MTHFD1L: variants seen among roughly 807,000 people sequenced by gnomAD.
The protein encoded by MTHFD1L is monofunctional C1-tetrahydrofolate synthase, mitochondrial.
In MTHFD1L, 81 loss-of-function variants were observed where a neutral mutation model predicts 119.5. The observed-to-expected ratio is 0.68, with a 90% confidence interval of 0.57 to 0.82. The LOEUF is 0.82. MTHFD1L is among the 40% of genes least tolerant of loss of function. MTHFD1L has a pLI of 0.00. For synonymous variants in MTHFD1L, 430 were observed against 475.2 expected (o/e 0.90, Z 1.24); for missense variants, 1,125 against 1,253.4 (o/e 0.90, Z 1.55).
chr6:150,937,786 A>G (rs1280158170), intron 12 of MTHFD1L, among the ~76,000 whole-genome samples: 1 of 152,098 alleles, frequency 6.6e-6, no homozygotes, highest in Non-Finnish European at 1.5e-5. Flanking sequence ...CACCAGGCTC[A>G]CCCAGTTGTT....
At chr6:151,027,783 A>G (rs1178040106) in intron 24 of MTHFD1L, among the ~76,000 whole-genome samples, 1 of 152,208 alleles carries the variant, frequency 6.6e-6, no homozygotes, top group Non-Finnish European at 1.5e-5. Flanking sequence ...ACTAAACCCA[A>G]AAGATTATTT....
intron 7 of MTHFD1L, among the ~76,000 whole-genome samples, chr6:150,895,503 C>A (rs994214564): frequency 1.7e-4 from 26 of 152,076 alleles, no homozygotes; most frequent in African/African-American, 5.8e-4. Flanking sequence ...CAGAGGATCT[C>A]ATTTCTCCCT....
rs772340450 is a variant in MTHFD1L at position 150,918,653 on chromosome 6, A to G, written c.969A>G (p.Ala323=). The change falls in exon 9 of 28, where the codon GCA becomes GCG. Residue 323 remains alanine, a synonymous_variant. Transcript: ENST00000367321. ...IEEDDVILLA[A]ALRIQNMVSS... is the part of the protein sequence containing the mutation. ...AAGATGATGTGATTCTCCTTGCTGC[A>G]GCTCTGCGAATTCAGGTTTGTTCAA... is the stretch of plus-strand genomic sequence containing the variant. The G allele has an allele frequency of 1.2e-6, 2 of 1,613,948 alleles. No individual in the cohort carries two copies. Among genetic ancestry groups the G allele is most frequent in the Non-Finnish European group, 8.5e-7 (1 of 1,179,906 alleles).
intron 24 of MTHFD1L, chr6:151,022,089 G>GCCTGGAGCC: frequency 2.1e-6 from 1 of 470,914 alleles, no homozygotes. Context: ...CACGAAGACA[G>GCCTGGAGCC]CCTGGAGCCG....
At chr6:151,090,525 A>C (rs184805802) in intron 26 of MTHFD1L, among the ~76,000 whole-genome samples, 4 of 152,348 alleles carry the variant, frequency 2.6e-5, no homozygotes, top group Admixed American at 2.6e-4. Flanking sequence ...GAGTAACAGG[A>C]GTCTCTAAAC....
rs1289793814 is a variant in MTHFD1L at position 151,014,958 on chromosome 6, G to T, written c.2386G>T (p.Val796Leu). ...CACTCAGCTCTTTGGGGTTCCCGTT[G>T]TGGTGGCTCTGAATGTCTTCAAGTA... ...QITQLFGVPV[V>L]VALNVFKTDT... The change falls in exon 23 of 28, where the codon GTG becomes TTG. Residue 796 changes from valine to leucine, a missense_variant. Coordinates refer to ENST00000367321, the MANE Select transcript of MTHFD1L (RefSeq NM_015440.5). 2 of 1,614,110 alleles carry T rather than the reference G, an allele frequency of 1.2e-6. No homozygotes were observed. The highest frequency in any genetic ancestry group is 3.3e-5 in the Admixed American group (2 of 60,012).
chr6:150,894,214 G>C (rs1051419695), intron 7 of MTHFD1L, among the ~76,000 whole-genome samples: 4 of 152,138 alleles, frequency 2.6e-5, no homozygotes, highest in Admixed American at 1.3e-4. Context: ...GCAACCTGGA[G>C]TGCAGGCTGG....
chr6:150,931,675 T>C (rs1396735325), intron 11 of MTHFD1L, among the ~76,000 whole-genome samples: 2 of 152,244 alleles, frequency 1.3e-5, no homozygotes, highest in African/African-American at 4.8e-5. Context: ...GGCCCATGGC[T>C]AATGGCAGTG....
intron 26 of MTHFD1L, among the ~76,000 whole-genome samples, chr6:151,057,588 C>T (rs1256913661): frequency 6.6e-6 from 1 of 151,840 alleles, no homozygotes; most frequent in Admixed American, 6.6e-5. Context: ...GCTGTGATTG[C>T]GCCACTGCAC....
At chr6:150,876,451 G>A (rs1032233878) in intron 2 of MTHFD1L, among the ~76,000 whole-genome samples, 6 of 152,168 alleles carry the variant, frequency 3.9e-5, no homozygotes, top group Admixed American at 3.9e-4. Flanking sequence ...AGGATATATC[G>A]TGGTCCATGT....
intron 8 of MTHFD1L, among the ~76,000 whole-genome samples, chr6:150,908,169 G>A (rs1317599858): frequency 1.7e-4 from 26 of 150,626 alleles, no homozygotes; most frequent in Non-Finnish European, 7.4e-5. Context: ...CGGCCTCCCA[G>A]AGTGCTAGGA....
chr6:151,014,868 T>TC lies in MTHFD1L; in HGVS notation c.2308-11dup. On this transcript the variant is annotated splice_polypyrimidine_tract_variant and intron_variant, in intron 22 of 27. Coordinates refer to ENST00000367321, the MANE Select transcript of MTHFD1L (RefSeq NM_015440.5). ...CACAGGGGTCTGGGTTTTGCTTTTT[T>TC]CTTTTTTACAGAACATCCAGCTGGT... 1 of 1,613,104 alleles carries TC rather than the reference T, an allele frequency of 6.2e-7. No homozygotes were observed. Among genetic ancestry groups the TC allele is most frequent in the Non-Finnish European group, 8.5e-7 (1 of 1,179,646 alleles).
At chr6:151,093,424 C>T (rs966129781) in intron 27 of MTHFD1L, among the ~76,000 whole-genome samples, 23 of 44,990 alleles carry the variant, frequency 5.1e-4, no homozygotes, top group African/African-American at 2.0e-3. Context: ...TTTGGGAGGC[C>T]GAGGTGGGTG....
chr6:151,078,272 T>A (rs1473379535), intron 26 of MTHFD1L, among the ~76,000 whole-genome samples: 1 of 151,988 alleles, frequency 6.6e-6, no homozygotes, highest in African/African-American at 2.4e-5. Flanking sequence ...ACCCCATGTC[T>A]ACAAAGAAAT....
chr6:151,016,784 T>G (rs1372301072), intron 24 of MTHFD1L: 1 of 289,456 alleles, frequency 3.5e-6, no homozygotes, highest in Non-Finnish European at 6.6e-6. Flanking sequence ...TTTTTTTTTT[T>G]TTTTTTGAGA....
At position 150,903,975 on chromosome 6, in the gene MTHFD1L, TC is replaced by T. The variant is rs547935646; in HGVS notation, c.781-1673del. 3.0e-3 allele frequency among the ~76,000 whole-genome samples: 457 copies of T among 152,336 alleles called. 2 individuals carry two copies. The highest frequency in any genetic ancestry group is 4.9e-3 in the Non-Finnish European group (335 of 68,032). Reference sequence around the variant, plus strand: ...ACATGCATTTACATTTTTATCGTGCTCCTCCTCTGTCAGGGGACTTGGATCT... The same window carrying T: ...ACATGCATTTACATTTTTATCGTGCTCTCCTCTGTCAGGGGACTTGGATCT... On this transcript the variant is annotated intron_variant, in intron 7 of 27. Coordinates refer to ENST00000367321, the MANE Select transcript of MTHFD1L (RefSeq NM_015440.5).
In MTHFD1L at chr6:151,015,546, G is replaced by A. The variant is rs1288845030; in HGVS notation, c.2439G>A (p.Val813=). The A allele has an allele frequency of 6.2e-7, 1 of 1,614,026 alleles. No homozygotes were observed. Among genetic ancestry groups the A allele is most frequent in the Non-Finnish European group, 8.5e-7 (1 of 1,179,998 alleles). ...ACACCCGCGCTGAGATTGACTTGGTGTGTGAGCTTGCAAAGCGGGCTGGTG... is the reference window on the plus strand; with the variant it reads ...ACACCCGCGCTGAGATTGACTTGGTATGTGAGCTTGCAAAGCGGGCTGGTG... ...KTDTRAEIDL[V]CELAKRAGAF... is the part of the protein sequence containing the mutation. The change falls in exon 24 of 28, where the codon GTG becomes GTA. Residue 813 remains valine (V), a synonymous_variant. Transcript: ENST00000367321.
chr6:151,049,440 G>A lies in MTHFD1L; in HGVS notation c.2847+12323G>A, dbSNP rs191623195. Among the ~76,000 whole-genome samples the A allele has an allele frequency of 1.9e-3, 293 of 150,588 alleles. 2 individuals carry two copies. Among genetic ancestry groups the A allele is most frequent in the Middle Eastern group, 0.014 (4 of 288 alleles). On this transcript the variant is annotated intron_variant, in intron 26 of 27. Transcript: ENST00000367321. ...CCGGGAGGCGGAGCTTGCAGTGAGC[G>A]GAGATCGCGCCACTGCACTCCAGCC... is the stretch of plus-strand genomic sequence containing the variant.
chr6:151,079,663 AT>A (rs2128631074), intron 26 of MTHFD1L, among the ~76,000 whole-genome samples: 1 of 151,442 alleles, frequency 6.6e-6, no homozygotes, highest in South Asian at 2.1e-4. Flanking sequence ...CTAATTTTGT[AT>A]TTTTAGTAGA....
Sources: gnomAD v4.1 joint callset for allele counts (sites outside exome capture counted in the v4.1 genomes callset) on GRCh38, gnomAD v4.1.1 for gene constraint, MANE v1.5 for transcripts, NCBI Gene and HGNC (gene_info 2026-07-23, HGNC 2026-07-21) for gene names.